Variants in FAM178B observed in about 807,000 individuals in gnomAD.
FAM178B encodes the protein protein FAM178B.
FAM178B carries 82 observed loss-of-function variants against 91.7 expected under a neutral mutation model. That is an observed-to-expected ratio of 0.89 (90% CI 0.75 to 1.07). FAM178B has a LOEUF of 1.07. Among genes scored for constraint, FAM178B ranks in the 50% least tolerant of loss-of-function variants. FAM178B has a pLI of 0.00. For missense variants in FAM178B, 769 were observed against 846.7 expected, an observed-to-expected ratio of 0.91 and a Z score of 1.14; for synonymous variants, 368 against 359.4, an observed-to-expected ratio of 1.02 and a Z score of -0.27.
chr2:96,890,396 C>T (rs548896495), intron 14 of FAM178B, among the ~76,000 whole-genome samples: 5 of 152,208 alleles, frequency 3.3e-5, no homozygotes, highest in South Asian at 2.1e-4. Context: ...CCTGAGAAGG[C>T]GAGGCTGCAG....
At chr2:96,890,731 G>A (rs1489192598) in intron 14 of FAM178B, among the ~76,000 whole-genome samples, 1 of 152,148 alleles carries the variant, frequency 6.6e-6, no homozygotes, top group Non-Finnish European at 1.5e-5. Context: ...CAACTGGGGC[G>A]AATTGGTATC....
intron 1 of FAM178B, among the ~76,000 whole-genome samples, chr2:96,975,275 A>C (rs966869551): frequency 6.6e-6 from 1 of 152,130 alleles, no homozygotes; most frequent in Non-Finnish European, 1.5e-5. Flanking sequence ...TGTATAGTAC[A>C]CTGTATAGTA....
chr2:96,975,948 G>A (rs1256309710), intron 1 of FAM178B, among the ~76,000 whole-genome samples: 1 of 151,962 alleles, frequency 6.6e-6, no homozygotes, highest in Non-Finnish European at 1.5e-5. Flanking sequence ...CAACTACACA[G>A]AAGGCCAAAA....
chr2:96,930,295 G>A (rs1301668461), intron 8 of FAM178B, among the ~76,000 whole-genome samples: 2 of 146,972 alleles, frequency 1.4e-5, no homozygotes, highest in Admixed American at 6.9e-5. Context: ...GGTACTCAGG[G>A]CCTTTTTTTC....
rs984833250 is a variant in FAM178B at position 96,970,897 on chromosome 2, T to C, written c.565-120A>G. 2.0e-5 allele frequency: 15 copies of C among 768,626 alleles called. No homozygotes were observed. The Admixed American group carries it at 3.2e-4, about 17-fold the overall frequency. 47.6% of individuals were successfully genotyped at this position (768,626 alleles called of 1,614,324 possible). On this transcript the variant is annotated intron_variant, in intron 3 of 16. Transcript: ENST00000490605. ...TGTTTGCTTTTCTGAAAAGATACTATGTTTACAGGATTAAAAAATCAAAAA... is the reference window on the plus strand; with the variant it reads ...TGTTTGCTTTTCTGAAAAGATACTACGTTTACAGGATTAAAAAATCAAAAA...
chr2:96,887,385 G>C (rs1574190472), intron 14 of FAM178B, among the ~76,000 whole-genome samples: 2 of 152,292 alleles, frequency 1.3e-5, no homozygotes, highest in African/African-American at 4.8e-5. Flanking sequence ...AGGCATTTCA[G>C]GGGGAGCCAT....
intron 5 of FAM178B, among the ~76,000 whole-genome samples, chr2:96,964,814 A>T (rs1339769694): frequency 6.6e-6 from 1 of 151,952 alleles, no homozygotes; most frequent in Admixed American, 6.6e-5. Flanking sequence ...GTGACCTCTA[A>T]ATCATACGTC....
intron 13 of FAM178B, among the ~76,000 whole-genome samples, chr2:96,898,689 G>C (rs2080868942): frequency 6.6e-6 from 1 of 152,148 alleles, no homozygotes; most frequent in Non-Finnish European, 1.5e-5. Context: ...TCCCTGTTGG[G>C]TGACCCTGGA....
At chr2:96,970,149 A>T (rs2082197867) in intron 4 of FAM178B, among the ~76,000 whole-genome samples, 1 of 152,132 alleles carries the variant, frequency 6.6e-6, no homozygotes, top group Non-Finnish European at 1.5e-5. Flanking sequence ...AGGGATTTCC[A>T]ATCTCATCAG....
intron 14 of FAM178B, among the ~76,000 whole-genome samples, chr2:96,890,632 TTGGAGAGA>T (rs1355570117): frequency 1.3e-5 from 2 of 152,176 alleles, no homozygotes; most frequent in Non-Finnish European, 2.9e-5. Flanking sequence ...AGGTGGTAGC[TTGGAGAGA>T]CAGTGGCAAA....
rs2082226944 is a variant in FAM178B at position 96,972,039 on chromosome 2, G to A, written c.426C>T (p.Gly142=). 1 of 1,550,882 alleles carries A rather than the reference G, an allele frequency of 6.4e-7. No individual in the cohort carries two copies. Among genetic ancestry groups the A allele is most frequent in the Non-Finnish European group, 8.7e-7 (1 of 1,147,028 alleles). ...QRWVGVVGPQ[G]LRRLAGELPE... ...GCAGCTCACCAGCCAGTCTCCTCAG[G>A]CCCTGGGGGCCCACCACACCCACCC... is the stretch of plus-strand genomic sequence containing the variant. Residue 142 remains glycine, a synonymous_variant, in exon 3 of 17, where the codon GGC becomes GGT. Transcript: ENST00000490605.
intron 12 of FAM178B, among the ~76,000 whole-genome samples, chr2:96,913,297 G>A (rs760998115): frequency 5.9e-5 from 9 of 152,196 alleles, no homozygotes; most frequent in Non-Finnish European, 1.0e-4. Context: ...CCAGGAACTC[G>A]CTGTGGCTCC....
intron 14 of FAM178B, 50 bp downstream of exon 14, chr2:96,893,876 G>C (rs1301937542): frequency 6.3e-7 from 1 of 1,587,460 alleles, no homozygotes; most frequent in South Asian, 1.1e-5. Context: ...CCTGCTACCT[G>C]TGGTGGTGGC....
chr2:96,986,572 G>C lies in FAM178B; in HGVS notation c.-259C>G. 1 of 486,720 alleles carries C rather than the reference G, an allele frequency of 2.1e-6. No individual in the cohort carries two copies. The highest frequency in any genetic ancestry group is 3.7e-6 in the Non-Finnish European group (1 of 269,534). The allele number at this position is 486,720 out of a possible 1,614,324, so 30.2% of individuals were successfully genotyped here. On this transcript the variant is annotated 5_prime_UTR_variant, in exon 1 of 17. Transcript: ENST00000490605. Reference sequence around the variant, plus strand: ...CCGCCGCCAGCTGGGGAGCTCGCCGGCCAAGTGCGCACCCTCTTCCTGTTA... The same window carrying C: ...CCGCCGCCAGCTGGGGAGCTCGCCGCCCAAGTGCGCACCCTCTTCCTGTTA...
Position 96,878,540 on chromosome 2 carries a change from G to A in FAM178B, c.1777-47C>T, listed in dbSNP as rs780900593. The A allele has an allele frequency of 6.3e-6, 10 of 1,580,030 alleles. No individual in the cohort carries two copies. The African/African-American group carries it at 1.3e-4, about 21-fold the overall frequency. ...AGCTGCTTCTCTAACTCCACCCAGG[G>A]CAGCATGGCGTGCCCTCCACCTGCA... On this transcript the variant is annotated intron_variant, in intron 14 of 16. Transcript: ENST00000490605.
At position 96,937,869 on chromosome 2, in the gene FAM178B, TACAA is replaced by T. The variant is rs1460168608; in HGVS notation, c.1079-8553_1079-8550del. 2.0e-5 allele frequency among the ~76,000 whole-genome samples: 3 copies of T among 151,944 alleles called. No homozygotes were observed. In the East Asian group the frequency reaches 5.8e-4, roughly 29 times the overall value. Reference sequence around the variant, plus strand: ...AGTGAGACCCTATCTCTACAAAAAATACAAACAAATTAGCCGGGCGTGGTGGCAC... The same window carrying T: ...AGTGAGACCCTATCTCTACAAAAAATACAAATTAGCCGGGCGTGGTGGCAC... On this transcript the variant is annotated intron_variant, in intron 8 of 16. Transcript: ENST00000490605.
At chr2:96,971,057 A>C (rs543192447) in intron 3 of FAM178B, among the ~76,000 whole-genome samples, 81 of 152,018 alleles carry the variant, frequency 5.3e-4, no homozygotes, top group African/African-American at 1.3e-3. Flanking sequence ...ACAGCAAACA[A>C]CACCACATCA....
chr2:96,950,367 C>T (rs546445110), intron 7 of FAM178B, among the ~76,000 whole-genome samples: 1 of 152,162 alleles, frequency 6.6e-6, no homozygotes, highest in African/African-American at 2.4e-5. Context: ...CATACCAGGG[C>T]CCCAGAAGCT....
At chr2:96,952,875 G>A (rs974743376) in intron 6 of FAM178B, among the ~76,000 whole-genome samples, 1 of 152,110 alleles carries the variant, frequency 6.6e-6, no homozygotes, top group African/African-American at 2.4e-5. Flanking sequence ...GAACATTTCA[G>A]AAAGTACTTA....
Sources: gnomAD v4.1 joint callset for allele counts (sites outside exome capture counted in the v4.1 genomes callset) on GRCh38, gnomAD v4.1.1 for gene constraint, MANE v1.5 for transcripts, NCBI Gene and HGNC (gene_info 2026-07-23, HGNC 2026-07-21) for gene names.